CTNNA3: variants seen among roughly 807,000 people sequenced by gnomAD.
CTNNA3 encodes catenin alpha 3.
In CTNNA3, 76 loss-of-function variants were observed where a neutral mutation model predicts 95.7. That is an observed-to-expected ratio of 0.79 (90% CI 0.66 to 0.96). CTNNA3 has a LOEUF of 0.96. Among genes scored for constraint, CTNNA3 ranks in the 40% least tolerant of loss-of-function variants. CTNNA3 has a pLI of 0.00. For missense variants in CTNNA3, 1,191 were observed against 1,089.8 expected, an observed-to-expected ratio of 1.09 and a Z score of -1.31; for synonymous variants, 431 against 374.4, an observed-to-expected ratio of 1.15 and a Z score of -1.74.
At chr10:66,227,385 T>TC (rs2089358150) in intron 13 of CTNNA3, among the ~76,000 whole-genome samples, 1 of 151,922 alleles carries the variant, frequency 6.6e-6, no homozygotes, top group Non-Finnish European at 1.5e-5. Flanking sequence ...GTTTTTTTTT[T>TC]TTTCATGAGG....
intron 1 of CTNNA3, among the ~76,000 whole-genome samples, chr10:67,743,530 C>T (rs1372886229): frequency 6.6e-5 from 10 of 151,258 alleles, no homozygotes; most frequent in Non-Finnish European, 1.5e-5. Flanking sequence ...CTATGACAAA[C>T]CCACAGCCAA....
At chr10:66,632,982 C>G (rs988642854) in intron 9 of CTNNA3, among the ~76,000 whole-genome samples, 4 of 151,974 alleles carry the variant, frequency 2.6e-5, no homozygotes, top group African/African-American at 9.7e-5. Flanking sequence ...TTCAACTAAG[C>G]AAGAAAATCA....
At chr10:67,342,080 T>C (rs1842217446) in intron 5 of CTNNA3, among the ~76,000 whole-genome samples, 1 of 148,326 alleles carries the variant, frequency 6.7e-6, no homozygotes, top group Non-Finnish European at 1.5e-5. Context: ...TTTATTCTTT[T>C]AATTTATTTA....
intron 4 of CTNNA3, among the ~76,000 whole-genome samples, chr10:67,524,854 G>C (rs1840094980): frequency 6.6e-6 from 1 of 152,116 alleles, no homozygotes; most frequent in African/African-American, 2.4e-5. Flanking sequence ...TAAAAGTTAG[G>C]TTGAGGCCTA....
intron 11 of CTNNA3, among the ~76,000 whole-genome samples, chr10:66,385,219 G>C (rs1359779202): frequency 6.6e-6 from 1 of 152,074 alleles, no homozygotes; most frequent in South Asian, 2.1e-4. Context: ...AGAAAAGAGA[G>C]AAGAATCAAA....
At chr10:66,222,080 A>G (rs953158501) in intron 13 of CTNNA3, among the ~76,000 whole-genome samples, 1 of 152,180 alleles carries the variant, frequency 6.6e-6, no homozygotes, top group African/African-American at 2.4e-5. Flanking sequence ...ATGACATAAA[A>G]CATATTGATT....
chr10:65,948,280 C>CAAAA (rs56966630), intron 17 of CTNNA3, among the ~76,000 whole-genome samples: 44 of 97,394 alleles, frequency 4.5e-4, no homozygotes, highest in Non-Finnish European at 5.1e-4. Context: ...GACTCCATCT[C>CAAAA]AAAAAAAAAA....
intron 9 of CTNNA3, among the ~76,000 whole-genome samples, chr10:66,624,318 T>G (rs575294200): frequency 4.2e-4 from 64 of 152,248 alleles, no homozygotes; most frequent in African/African-American, 1.4e-3. Context: ...CGAGATAATG[T>G]ATGGGGAGAG....
rs549362151 is a variant in CTNNA3, at chr10:66,451,900, T to C, written c.1531+68717A>G. Reference sequence around the variant, plus strand: ...CTTTCAAGGATGTTATCTATAAGCATGGTCCACAGGATAGTTTAAAATTTC... The same window carrying C: ...CTTTCAAGGATGTTATCTATAAGCACGGTCCACAGGATAGTTTAAAATTTC... On this transcript the variant is annotated intron_variant, in intron 11 of 17. Coordinates refer to ENST00000433211, the MANE Select transcript of CTNNA3 (RefSeq NM_013266.4). Among the ~76,000 whole-genome samples the C allele has an allele frequency of 2.6e-5, 4 of 152,296 alleles. No homozygotes were observed. In the East Asian group the frequency reaches 5.8e-4, roughly 22 times the overall value.
intron 14 of CTNNA3, among the ~76,000 whole-genome samples, chr10:66,101,258 G>A (rs547086383): frequency 6.6e-6 from 1 of 152,222 alleles, no homozygotes; most frequent in South Asian, 2.1e-4. Context: ...ACACAAATTG[G>A]CTAGTAGAGG....
intron 12 of CTNNA3, among the ~76,000 whole-genome samples, chr10:66,313,479 C>A (rs563560399): frequency 6.6e-6 from 1 of 152,254 alleles, no homozygotes; most frequent in Admixed American, 6.5e-5. Flanking sequence ...ACTGTGTTCC[C>A]AAGGCGTTTG....
At chr10:67,625,925 C>CT (rs1489740636) in intron 2 of CTNNA3, among the ~76,000 whole-genome samples, 1 of 152,134 alleles carries the variant, frequency 6.6e-6, no homozygotes, top group African/African-American at 2.4e-5. Context: ...TGGCTTATGC[C>CT]TGTAATCCCA....
intron 14 of CTNNA3, among the ~76,000 whole-genome samples, chr10:66,081,740 A>G (rs1174572384): frequency 6.6e-6 from 1 of 152,204 alleles, no homozygotes; most frequent in African/African-American, 2.4e-5. Flanking sequence ...CACCACAGTA[A>G]TTATTCTTTG....
chr10:66,488,044 A>T (rs1370467861), intron 11 of CTNNA3, among the ~76,000 whole-genome samples: 1 of 152,180 alleles, frequency 6.6e-6, no homozygotes, highest in Non-Finnish European at 1.5e-5. Context: ...CATAGCTCTG[A>T]CACAAAATTA....
chr10:67,178,319 T>C (rs530857418), intron 7 of CTNNA3, among the ~76,000 whole-genome samples: 10 of 151,858 alleles, frequency 6.6e-5, no homozygotes, highest in Non-Finnish European at 1.2e-4. Flanking sequence ...TAGGTCATAG[T>C]CTCTCGTGAC....
At chr10:66,143,296 A>C (rs576123369) in intron 13 of CTNNA3, among the ~76,000 whole-genome samples, 3 of 152,168 alleles carry the variant, frequency 2.0e-5, no homozygotes, top group African/African-American at 4.8e-5. Context: ...GCTGAAATAG[A>C]AAGGAGTATA....
At chr10:66,761,462 A>G (rs1009322950) in intron 9 of CTNNA3, among the ~76,000 whole-genome samples, 2 of 152,150 alleles carry the variant, frequency 1.3e-5, no homozygotes, top group African/African-American at 4.8e-5. Flanking sequence ...TAATACTGTC[A>G]TATTTAATAA....
At chr10:66,811,937 G>A (rs1013966126) in intron 7 of CTNNA3, among the ~76,000 whole-genome samples, 2 of 152,040 alleles carry the variant, frequency 1.3e-5, no homozygotes, top group Admixed American at 1.3e-4. Context: ...AGATACTATC[G>A]GTTTCATTCA....
chr10:66,892,324 A>G (rs1485940498), intron 7 of CTNNA3, among the ~76,000 whole-genome samples: 2 of 152,134 alleles, frequency 1.3e-5, no homozygotes, highest in Non-Finnish European at 2.9e-5. Context: ...GTTTCCCAAT[A>G]AACTGAATAA....
Sources: gnomAD v4.1 joint callset for allele counts (sites outside exome capture counted in the v4.1 genomes callset) on GRCh38, gnomAD v4.1.1 for gene constraint, MANE v1.5 for transcripts, NCBI Gene and HGNC (gene_info 2026-07-23, HGNC 2026-07-21) for gene names.